KCTD8: variants seen among roughly 807,000 people sequenced by gnomAD.
The protein encoded by KCTD8 is BTB/POZ domain-containing protein KCTD8.
Under a neutral mutation model 31.5 loss-of-function variants are expected in KCTD8, and 27 were observed. That is an observed-to-expected ratio of 0.86 (90% CI 0.63 to 1.18). The LOEUF (loss-of-function observed/expected upper bound fraction) is 1.18. Among genes scored for constraint, KCTD8 ranks in the 50% most tolerant of loss-of-function variants. The pLI is 0.00. For missense variants in KCTD8, 658 were observed against 647.7 expected (o/e 1.02, Z -0.17); for synonymous variants, 290 against 280.0 (o/e 1.04, Z -0.36).
chr4:44,243,933 T>C (rs1030678334), intron 1 of KCTD8, among the ~76,000 whole-genome samples: 2 of 152,188 alleles, frequency 1.3e-5, no homozygotes, highest in Non-Finnish European at 1.5e-5. Context: ...ATGCTTCCAC[T>C]CCCAAAGAGC....
Position 44,270,682 on chromosome 4 carries a change from T to C in KCTD8, c.962-95432A>G, listed in dbSNP as rs77016138. On this transcript the variant is annotated intron_variant, in intron 1 of 1. Transcript: ENST00000360029. ...AATATAGGTGATGTATTCCATATAA[T>C]GAGAAACTGCTGAAAGCACAAATGG... 1.4e-4 allele frequency among the ~76,000 whole-genome samples: 22 copies of C among 152,252 alleles called. No individual in the cohort carries two copies. The East Asian group carries it at 4.3e-3, about 29-fold the overall frequency.
chr4:44,297,679 T>C (rs1717477345), intron 1 of KCTD8, among the ~76,000 whole-genome samples: 1 of 152,138 alleles, frequency 6.6e-6, no homozygotes, highest in Admixed American at 6.6e-5. Context: ...AGGCAAAGCA[T>C]TTCAAAATCC....
chr4:44,289,726 G>T (rs1469922425), intron 1 of KCTD8, among the ~76,000 whole-genome samples: 1 of 152,156 alleles, frequency 6.6e-6, no homozygotes, highest in African/African-American at 2.4e-5. Context: ...ACAGAGAGTA[G>T]AGAGAGACAG....
chr4:44,284,651 C>T (rs1717002082), intron 1 of KCTD8, among the ~76,000 whole-genome samples: 1 of 152,106 alleles, frequency 6.6e-6, no homozygotes, highest in African/African-American at 2.4e-5. Flanking sequence ...AGCTTCTGCA[C>T]AGCAAAAGAA....
intron 1 of KCTD8, among the ~76,000 whole-genome samples, chr4:44,212,702 A>T (rs1327899665): frequency 6.6e-6 from 1 of 151,966 alleles, no homozygotes; most frequent in East Asian, 1.9e-4. Context: ...ATTCTTTTAC[A>T]CTCAAAATTT....
rs760769099 is a variant in KCTD8 at position 44,448,459 on chromosome 4, G to A, written c.65C>T (p.Ser22Leu). The A allele has an allele frequency of 4.5e-6, 7 of 1,545,976 alleles. No individual in the cohort carries two copies. Among genetic ancestry groups the A allele is most frequent in the Non-Finnish European group, 6.1e-6 (7 of 1,154,198 alleles). The change falls in exon 1 of 2, where the codon TCG (serine) becomes TTG (leucine). Residue 22 changes from serine to leucine, a missense_variant. Physicochemically the swap from Ser to Leu is moderately radical, Grantham distance 145. Transcript: ENST00000360029. The surrounding 1 kb of genome is among the most constrained non-coding windows in gnomAD (Gnocchi z 4.1). ...GGCCGACGCGCCGGGCGAGCTGGAC[G>A]AGGAAACCATCTCGCTAATGGGCAG... is the stretch of plus-strand genomic sequence containing the variant. ...TILPISEMVS[S>L]SSSPGASAAA...
chr4:44,207,453 T>A (rs1413496758), intron 1 of KCTD8, among the ~76,000 whole-genome samples: 1 of 152,186 alleles, frequency 6.6e-6, no homozygotes, highest in African/African-American at 2.4e-5. Flanking sequence ...TACCCCATTA[T>A]AATAAAAGCT....
intron 1 of KCTD8, among the ~76,000 whole-genome samples, chr4:44,311,161 T>C (rs1032931949): frequency 2.0e-5 from 3 of 152,246 alleles, no homozygotes; most frequent in Non-Finnish European, 4.4e-5. Flanking sequence ...AAACAGCTTT[T>C]AGACTCTTAT....
intron 1 of KCTD8, among the ~76,000 whole-genome samples, chr4:44,377,255 C>T (rs1292845684): frequency 3.3e-5 from 5 of 152,166 alleles, no homozygotes; most frequent in Non-Finnish European, 7.3e-5. Context: ...TCCCCTGGCT[C>T]CTTCTCTTAA....
intron 1 of KCTD8, among the ~76,000 whole-genome samples, chr4:44,391,527 T>A (rs779346055): frequency 1.3e-5 from 2 of 151,834 alleles, no homozygotes; most frequent in Non-Finnish European, 2.9e-5. Flanking sequence ...ATTTTCTCTT[T>A]CTTATGATTT....
chr4:44,375,891 C>T (rs1283266881), intron 1 of KCTD8, among the ~76,000 whole-genome samples: 3 of 152,126 alleles, frequency 2.0e-5, no homozygotes, highest in African/African-American at 7.2e-5. Flanking sequence ...CACCAGAAAA[C>T]ATCCTTTGTT....
intron 1 of KCTD8, among the ~76,000 whole-genome samples, chr4:44,211,399 G>A (rs1714480437): frequency 6.6e-6 from 1 of 152,044 alleles, no homozygotes. Context: ...TATCTGGTCT[G>A]GGTTTTTTTG....
intron 1 of KCTD8, among the ~76,000 whole-genome samples, chr4:44,371,156 A>G (rs947782581): frequency 6.6e-6 from 1 of 152,070 alleles, no homozygotes; most frequent in African/African-American, 2.4e-5. Context: ...CAAGCAGATA[A>G]GGTGATTTTG....
chr4:44,298,113 T>C (rs1287736338), intron 1 of KCTD8, among the ~76,000 whole-genome samples: 1 of 152,082 alleles, frequency 6.6e-6, no homozygotes. Context: ...AGAATGATAA[T>C]TGTAATGAAA....
chr4:44,205,047 T>C (rs1714260964), intron 1 of KCTD8, among the ~76,000 whole-genome samples: 1 of 152,118 alleles, frequency 6.6e-6, no homozygotes, highest in African/African-American at 2.4e-5. Flanking sequence ...AAAATAGAAG[T>C]AATGTGTTCT....
At chr4:44,207,599 G>A (rs932751736) in intron 1 of KCTD8, among the ~76,000 whole-genome samples, 30 of 152,176 alleles carry the variant, frequency 2.0e-4, no homozygotes, top group Admixed American at 2.6e-4. Context: ...TCTCTCTTAC[G>A]TCTTTGGAGT....
At chr4:44,225,001 A>AG (rs535905960) in intron 1 of KCTD8, among the ~76,000 whole-genome samples, 94 of 152,236 alleles carry the variant, frequency 6.2e-4, no homozygotes, top group Non-Finnish European at 1.2e-3. Flanking sequence ...TACAATTTTA[A>AG]GGGGGGTTGA....
intron 1 of KCTD8, among the ~76,000 whole-genome samples, chr4:44,335,417 C>G (rs1000307782): frequency 6.6e-6 from 1 of 151,036 alleles, no homozygotes; most frequent in Non-Finnish European, 1.5e-5. Context: ...CACAATTTAC[C>G]CATATAACAA....
At chr4:44,361,188 C>G (rs995452608) in intron 1 of KCTD8, among the ~76,000 whole-genome samples, 3 of 147,796 alleles carry the variant, frequency 2.0e-5, no homozygotes, top group African/African-American at 5.0e-5. Context: ...ACAGGAGAGG[C>G]TATAAAATCA....
Sources: allele counts gnomAD v4.1 joint callset (sites outside exome capture counted in the v4.1 genomes callset), GRCh38; gene constraint gnomAD v4.1.1; non-coding constraint Gnocchi (gnomAD v3.1); transcripts MANE v1.5; gene names NCBI Gene and HGNC (gene_info 2026-07-23, HGNC 2026-07-21).